GPHN: variants seen among roughly 807,000 people sequenced by gnomAD.
The protein encoded by GPHN is gephyrin.
A neutral mutation model predicts 95.5 loss-of-function variants in GPHN; 17 were observed. The ratio of observed to expected loss-of-function variants is 0.18; its 90% CI spans 0.12 to 0.27. GPHN has a LOEUF of 0.27. GPHN is among the 10% of genes least tolerant of loss of function. The pLI, the probability that GPHN is intolerant of heterozygous loss-of-function variation, is 1.00. For missense variants in GPHN, 660 were observed against 978.1 expected, an observed-to-expected ratio of 0.67 and a Z score of 4.34; for synonymous variants, 320 against 322.5, an observed-to-expected ratio of 0.99 and a Z score of 0.08.
chr14:67,163,441 C>G (rs1763669671), intron 19 of GPHN, among the ~76,000 whole-genome samples: 1 of 151,806 alleles, frequency 6.6e-6, no homozygotes, highest in South Asian at 2.1e-4. Flanking sequence ...TGATAGCAAT[C>G]TCGCATTACA....
chr14:66,661,805 T>TG (rs2065673351), intron 1 of GPHN, among the ~76,000 whole-genome samples: 4 of 152,128 alleles, frequency 2.6e-5, no homozygotes, highest in African/African-American at 4.8e-5. Flanking sequence ...TCGTTGCTGT[T>TG]TGGGCAACTC....
the GPHN span, chr14:67,515,111 G>A: frequency 6.6e-6 from 1 of 152,286 alleles, no homozygotes; most frequent in East Asian, 1.9e-4. Flanking sequence ...GCCGTGGGTA[G>A]GGGCTGGGCA....
At chr14:66,713,245 T>C (rs1442695732) in intron 2 of GPHN, among the ~76,000 whole-genome samples, 1 of 152,226 alleles carries the variant, frequency 6.6e-6, no homozygotes, top group Non-Finnish European at 1.5e-5. Flanking sequence ...TTTTCTGATG[T>C]TATCGTCTAG....
At chr14:67,609,160 A>G in the GPHN span, among the ~76,000 whole-genome samples, 2 of 150,086 alleles carry the variant, frequency 1.3e-5, no homozygotes. Context: ...CTTTGCTGCA[A>G]CTCCCACTGT....
chr14:67,238,474 T>TCAA, the GPHN span, among the ~76,000 whole-genome samples: 3 of 152,028 alleles, frequency 2.0e-5, no homozygotes, highest in African/African-American at 7.2e-5. Flanking sequence ...CTCCCCATGT[T>TCAA]GACCAGGCTG....
In GPHN at chr14:66,902,461, G is replaced by A. The variant is rs146255976; in HGVS notation, c.390-13542G>A. Reference sequence around the variant, plus strand: ...TTGTTCCAGATCTTAGAGGAAAGGCGTTCAATTTTTTTCCTTTTCAGTATG... The same window carrying A: ...TTGTTCCAGATCTTAGAGGAAAGGCATTCAATTTTTTTCCTTTTCAGTATG... On this transcript the variant is annotated intron_variant, in intron 5 of 22. Coordinates refer to ENST00000478722, the MANE Select transcript of GPHN (RefSeq NM_020806.5). Among the ~76,000 whole-genome samples, 12 of 152,008 alleles carry A rather than the reference G, an allele frequency of 7.9e-5. No homozygotes were observed. In the South Asian group the frequency reaches 1.5e-3, roughly 18 times the overall value.
At chr14:66,835,293 G>A (rs1462670906) in intron 4 of GPHN, among the ~76,000 whole-genome samples, 11 of 149,818 alleles carry the variant, frequency 7.3e-5, no homozygotes, top group Non-Finnish European at 1.5e-4. Flanking sequence ...CTTGCCTTCT[G>A]CTAGCTTTTG....
At chr14:67,524,765 A>G in the GPHN span, among the ~76,000 whole-genome samples, 1 of 152,320 alleles carries the variant, frequency 6.6e-6, no homozygotes, top group East Asian at 1.9e-4. Context: ...TGTTGTGGTC[A>G]CAGTGTAATT....
intron 1 of GPHN, among the ~76,000 whole-genome samples, chr14:66,527,338 A>T (rs1594826615): frequency 2.9e-5 from 4 of 140,190 alleles, no homozygotes; most frequent in African/African-American, 7.9e-5. Context: ...CCCCTATTTG[A>T]TTCTTCTCTC....
At chr14:67,144,250 A>AAATATATATATAT (rs1168342196) in intron 18 of GPHN, among the ~76,000 whole-genome samples, 13 of 57,756 alleles carry the variant, frequency 2.3e-4, no homozygotes, top group South Asian at 7.5e-4. Context: ...AAAAAAAAAA[A>AAATATATATATAT]ATATATATAT....
intron 4 of GPHN, among the ~76,000 whole-genome samples, chr14:66,864,710 T>C (rs1030089782): frequency 3.9e-5 from 6 of 151,978 alleles, no homozygotes; most frequent in Non-Finnish European, 5.9e-5. Context: ...CGGGTGGAGA[T>C]TGCAGTGAGC....
intron 10 of GPHN, among the ~76,000 whole-genome samples, chr14:67,025,109 T>C (rs1171038707): frequency 6.6e-6 from 1 of 152,180 alleles, no homozygotes; most frequent in Non-Finnish European, 1.5e-5. Context: ...TGATTTCTTT[T>C]CTTTGAGCTC....
At chr14:66,700,406 T>C (rs1185589965) in intron 2 of GPHN, among the ~76,000 whole-genome samples, 3 of 152,206 alleles carry the variant, frequency 2.0e-5, no homozygotes, top group African/African-American at 7.2e-5. Flanking sequence ...GATTTAGATT[T>C]AGAGGGAAAA....
At chr14:67,042,060 GGTTT>G (rs1567244751) in intron 10 of GPHN, among the ~76,000 whole-genome samples, 1 of 151,028 alleles carries the variant, frequency 6.6e-6, no homozygotes, top group African/African-American at 2.4e-5. Context: ...TTTTTTGATG[GGTTT>G]TTTTTTTTCT....
At chr14:67,113,232 C>A in intron 16 of GPHN, 61 bp downstream of exon 16, 1 of 1,383,158 alleles carries the variant, frequency 7.2e-7, no homozygotes. Context: ...GTATTTCTGA[C>A]ATATGTTCTG....
chr14:66,513,496 TAAAATC>T (rs2139707646), intron 1 of GPHN, among the ~76,000 whole-genome samples: 1 of 151,854 alleles, frequency 6.6e-6, no homozygotes, highest in South Asian at 2.1e-4. Context: ...GTAAAATAGA[TAAAATC>T]TATTACTCTG....
intron 8 of GPHN, among the ~76,000 whole-genome samples, chr14:66,957,983 C>T (rs1455027623): frequency 6.6e-6 from 1 of 152,168 alleles, no homozygotes; most frequent in Non-Finnish European, 1.5e-5. Flanking sequence ...TCCCCACCAA[C>T]CCCCAGTCCG....
intron 17 of GPHN, among the ~76,000 whole-genome samples, chr14:67,137,953 C>T (rs2080199628): frequency 6.6e-6 from 1 of 152,058 alleles, no homozygotes; most frequent in Non-Finnish European, 1.5e-5. Flanking sequence ...AATCCAATAG[C>T]CCCTCTAGTG....
At chr14:67,041,686 A>G (rs2074714557) in intron 10 of GPHN, among the ~76,000 whole-genome samples, 1 of 152,198 alleles carries the variant, frequency 6.6e-6, no homozygotes, top group East Asian at 1.9e-4. Context: ...ATATGTGTGC[A>G]TGTGTCTTTA....
Sources: gnomAD v4.1 joint callset for allele counts (sites outside exome capture counted in the v4.1 genomes callset) on GRCh38, gnomAD v4.1.1 for gene constraint, MANE v1.5 for transcripts, NCBI Gene and HGNC (gene_info 2026-07-23, HGNC 2026-07-21) for gene names.